The following CPVL variants were observed in gnomAD, a reference collection of about 807,000 sequenced individuals.
The protein encoded by CPVL is carboxypeptidase vitellogenic like.
Under a neutral mutation model 63.7 loss-of-function variants are expected in CPVL, and 51 were observed. The ratio of observed to expected loss-of-function variants is 0.80; its 90% CI spans 0.64 to 1.01. The LOEUF is 1.01. Among genes scored for constraint, CPVL ranks in the 50% least tolerant of loss-of-function variants. The pLI is 0.00. For synonymous variants in CPVL, 195 were observed against 206.0 expected (o/e 0.95, Z 0.46); for missense variants, 530 against 573.1 (o/e 0.92, Z 0.77).
intron 11 of CPVL, among the ~76,000 whole-genome samples, chr7:29,046,838 T>C (rs1789671863): frequency 6.6e-6 from 1 of 152,146 alleles, no homozygotes; most frequent in Non-Finnish European, 1.5e-5. Flanking sequence ...AGATACCCTA[T>C]CCTTTCATCA....
intron 11 of CPVL, among the ~76,000 whole-genome samples, chr7:29,058,374 C>A (rs937638016): frequency 1.3e-5 from 2 of 152,016 alleles, no homozygotes; most frequent in Non-Finnish European, 2.9e-5. Flanking sequence ...AACCTTATAT[C>A]CTGCAACCTT....
At chr7:29,182,392 TG>T (rs1798171271) in intron 4 of CPVL, among the ~76,000 whole-genome samples, 1 of 149,240 alleles carries the variant, frequency 6.7e-6, no homozygotes, top group Non-Finnish European at 1.5e-5. Context: ...CATTGTGATA[TG>T]ACACATAGAG....
At chr7:29,063,539 A>G (rs1782831508) in intron 11 of CPVL, among the ~76,000 whole-genome samples, 1 of 152,156 alleles carries the variant, frequency 6.6e-6, no homozygotes, top group African/African-American at 2.4e-5. Flanking sequence ...ATTTTAAGGA[A>G]TAATCAGGGG....
rs1432324452 is a variant in CPVL at position 29,030,611 on chromosome 7, G to A, written c.1286C>T (p.Ala429Val). The A allele has an allele frequency of 2.5e-6, 4 of 1,613,300 alleles. No individual in the cohort carries two copies. Among genetic ancestry groups the A allele is most frequent in the Non-Finnish European group, 3.4e-6 (4 of 1,179,700 alleles). ...GTCACCCGCTTGCCGGATGTAACCA[G>A]CCACTTCACTGTCAGATTTAAAGAT... ...WKIFKSDSEV[A>V]GYIRQAGDFH... is the part of the protein sequence containing the mutation. The change falls in exon 12 of 13, where the codon GCT becomes GTT. Residue 429 changes from alanine to valine, a missense_variant. Transcript: ENST00000265394.
chr7:29,138,543 T>C (rs879869905), intron 1 of CPVL, among the ~76,000 whole-genome samples: 1 of 152,168 alleles, frequency 6.6e-6, no homozygotes, highest in Non-Finnish European at 1.5e-5. Context: ...TGATCCCAGA[T>C]GTGACTTAGA....
chr7:29,018,916 G>C (rs998938421), intron 12 of CPVL, among the ~76,000 whole-genome samples: 3 of 152,274 alleles, frequency 2.0e-5, no homozygotes, highest in Middle Eastern at 3.4e-3. Context: ...GATAACACTT[G>C]TAAGGGTTTA....
intron 11 of CPVL, among the ~76,000 whole-genome samples, chr7:29,052,762 A>T (rs946846384): frequency 1.3e-5 from 2 of 152,150 alleles, no homozygotes; most frequent in African/African-American, 4.8e-5. Flanking sequence ...ATAAAAAATT[A>T]GCCAGGTGTG....
At chr7:29,044,039 T>C (rs561965854) in intron 11 of CPVL, among the ~76,000 whole-genome samples, 13 of 152,220 alleles carry the variant, frequency 8.5e-5, no homozygotes, top group African/African-American at 2.9e-4. Context: ...GACAAAAGCA[T>C]TGGCTTTCCA....
At chr7:29,174,346 G>A (rs1266867795) in intron 5 of CPVL, among the ~76,000 whole-genome samples, 2 of 152,170 alleles carry the variant, frequency 1.3e-5, no homozygotes, top group Non-Finnish European at 2.9e-5. Context: ...AAGGACAGAA[G>A]CAAAAGTCAT....
At chr7:29,051,912 A>G (rs990182234) in intron 11 of CPVL, among the ~76,000 whole-genome samples, 3 of 139,662 alleles carry the variant, frequency 2.1e-5, no homozygotes, top group African/African-American at 7.5e-5. Flanking sequence ...ATATATATAT[A>G]TATTCCACAT....
chr7:29,014,092 A>C (rs1047757652), intron 12 of CPVL, among the ~76,000 whole-genome samples: 6 of 152,096 alleles, frequency 3.9e-5, no homozygotes, highest in Non-Finnish European at 8.8e-5. Flanking sequence ...GGAGGACCTA[A>C]CCTGTGACTT....
At chr7:29,150,445 A>C (rs963567051), upstream of CPVL, among the ~76,000 whole-genome samples, 6 of 152,206 alleles carry the variant, frequency 3.9e-5, no homozygotes, top group African/African-American at 1.4e-4. Context: ...CTGTCTATCC[A>C]AGACAACTAA....
intron 1 of CPVL, among the ~76,000 whole-genome samples, chr7:29,144,721 T>A (rs1313242479): frequency 6.6e-6 from 1 of 152,144 alleles, no homozygotes; most frequent in Non-Finnish European, 1.5e-5. Context: ...TCTGACAAAC[T>A]AGATGCTTCC....
At chr7:29,112,978 C>T (rs558739350) in intron 2 of CPVL, 156 bp from the exon 3 acceptor site, 2 of 581,540 alleles carry the variant, frequency 3.4e-6, no homozygotes, top group South Asian at 2.2e-5. Flanking sequence ...CAGCCTGCCC[C>T]TGGCCAATCC....
intron 1 of CPVL, chr7:29,128,137 C>A (rs1412280347): frequency 2.0e-5 from 3 of 150,852 alleles, no homozygotes; most frequent in Admixed American, 6.6e-5. Context: ...CAGATGAGAT[C>A]CTGGGACAAC....
chr7:29,129,040 T>C (rs1790395506), intron 1 of CPVL, among the ~76,000 whole-genome samples: 1 of 152,102 alleles, frequency 6.6e-6, no homozygotes, highest in Non-Finnish European at 1.5e-5. Context: ...CACTGGAGAG[T>C]TTAGAGCAAG....
intron 3 of CPVL, among the ~76,000 whole-genome samples, chr7:29,110,191 T>C (rs555285243): frequency 1.8e-4 from 28 of 152,148 alleles, no homozygotes; most frequent in African/African-American, 6.0e-4. Flanking sequence ...GAAGGGAAAG[T>C]AAGGAATTGG....
chr7:29,172,776 C>T lies in CPVL; in HGVS notation c.-11+8514G>A, dbSNP rs980433668. Among the ~76,000 whole-genome samples, 7 of 151,380 alleles carry T rather than the reference C, an allele frequency of 4.6e-5. No homozygotes were observed. The East Asian group carries it at 1.2e-3, about 25-fold the overall frequency. On this transcript the variant is annotated intron_variant, in intron 5 of 16. Coordinates refer to the CPVL transcript ENST00000409850. ...ACCTTAACATTTTAATATTATAAAA[C>T]TTTTTTTTTCAACTTCTGTTTCCAG...
intron 7 of CPVL, among the ~76,000 whole-genome samples, chr7:29,073,404 G>A (rs180782157): frequency 1.6e-4 from 25 of 152,150 alleles, no homozygotes; most frequent in African/African-American, 4.3e-4. Context: ...ACTCCTCATT[G>A]GCCTCCTTCT....
Sources: gnomAD v4.1 joint callset for allele counts (sites outside exome capture counted in the v4.1 genomes callset) on GRCh38, gnomAD v4.1.1 for gene constraint, MANE v1.5 for transcripts, NCBI Gene and HGNC (gene_info 2026-07-23, HGNC 2026-07-21) for gene names.